MINDY4: variants seen among roughly 807,000 people sequenced by gnomAD.
The protein encoded by MINDY4 is MINDY lysine 48 deubiquitinase 4.
Under a neutral mutation model 87.0 loss-of-function variants are expected in MINDY4, and 68 were observed. That is an observed-to-expected ratio of 0.78 (90% CI 0.64 to 0.96). The LOEUF (loss-of-function observed/expected upper bound fraction) is 0.96. MINDY4 is among the 40% of genes least tolerant of loss of function. The probability of loss-of-function intolerance (pLI) is 0.00; values close to 1 mark genes in which losing one functional copy is unlikely to be tolerated. For synonymous variants in MINDY4, 379 were observed against 363.2 expected, an observed-to-expected ratio of 1.04 and a Z score of -0.50; for missense variants, 919 against 928.2, an observed-to-expected ratio of 0.99 and a Z score of 0.13.
chr7:30,873,143 C>T (rs739978), intron 14 of MINDY4, among the ~76,000 whole-genome samples: 5,419 of 152,278 alleles, frequency 0.036, 297 homozygotes, highest in African/African-American at 0.12. Flanking sequence ...TGTGGTTTGT[C>T]CAGGGCACCC....
chr7:30,875,779 A>C, intron 15 of MINDY4, 123 bp downstream of exon 15: 1 of 1,050,796 alleles, frequency 9.5e-7, no homozygotes, highest in Non-Finnish European at 1.4e-6. Flanking sequence ...GGGTCCAGTT[A>C]GAATCACAGA....
chr7:30,795,988 C>T (rs1320132744), intron 5 of MINDY4, among the ~76,000 whole-genome samples: 1 of 152,212 alleles, frequency 6.6e-6, no homozygotes, highest in African/African-American at 2.4e-5. Flanking sequence ...TTGATTTCAT[C>T]TGCAACCTTA....
At chr7:30,793,547 G>A (rs942424585) in intron 5 of MINDY4, among the ~76,000 whole-genome samples, 2 of 151,688 alleles carry the variant, frequency 1.3e-5, no homozygotes, top group African/African-American at 4.8e-5. Context: ...TCCTAAGTAC[G>A]TGGGACCACA....
chr7:30,834,159 T>G (rs1468215152), intron 6 of MINDY4, among the ~76,000 whole-genome samples: 1 of 152,224 alleles, frequency 6.6e-6, no homozygotes, highest in Non-Finnish European at 1.5e-5. Context: ...CACATTTCCT[T>G]TCTGCACTGC....
chr7:30,870,572 C>G lies in MINDY4; in HGVS notation c.1746-1671C>G, dbSNP rs143830029. ...ACCCCAGCTCATCTTCTCATGTGGACCATAAACCTTCCGTGTTTGGCCATG... is the reference window on the plus strand; with the variant it reads ...ACCCCAGCTCATCTTCTCATGTGGAGCATAAACCTTCCGTGTTTGGCCATG... On this transcript the variant is annotated intron_variant, in intron 13 of 17. Coordinates refer to ENST00000265299, the MANE Select transcript of MINDY4 (RefSeq NM_032222.3). 3.9e-3 allele frequency among the ~76,000 whole-genome samples: 593 copies of G among 152,278 alleles called. 1 individual carries two copies. The highest frequency in any genetic ancestry group is 0.014 in the African/African-American group (571 of 41,536).
intron 13 of MINDY4, among the ~76,000 whole-genome samples, chr7:30,863,470 A>G (rs1232898197): frequency 6.6e-6 from 1 of 152,118 alleles, no homozygotes; most frequent in Non-Finnish European, 1.5e-5. Context: ...GATTGTGTAC[A>G]TGTGCATGTG....
rs80056889 is a variant in MINDY4, at chr7:30,836,005, G to C, written c.1133-653G>C. Among the ~76,000 whole-genome samples the C allele has an allele frequency of 1.6e-3, 248 of 152,264 alleles. 3 individuals carry two copies. The highest frequency in any genetic ancestry group is 3.4e-3 in the Middle Eastern group (1 of 294). On this transcript the variant is annotated intron_variant, in intron 6 of 17. Transcript: ENST00000265299. The stretch of plus-strand genomic sequence containing the variant: ...CAGTGGGATGGTAGAGTTACTAGGA[G>C]TCACTCTCTCTGCCACTTTCCATTT...
intron 4 of MINDY4, among the ~76,000 whole-genome samples, chr7:30,786,956 C>G (rs1787176346): frequency 6.6e-6 from 1 of 152,174 alleles, no homozygotes; most frequent in South Asian, 2.1e-4. Flanking sequence ...GGAGCCTGAG[C>G]CAATCAAAAA....
intron 9 of MINDY4, among the ~76,000 whole-genome samples, chr7:30,849,192 C>T (rs1380420288): frequency 1.3e-5 from 2 of 152,192 alleles, no homozygotes; most frequent in African/African-American, 4.8e-5. Flanking sequence ...TTCTCCTGTC[C>T]TGGAAAAGAG....
chr7:30,777,032 T>G (rs2128164889), intron 1 of MINDY4, among the ~76,000 whole-genome samples: 1 of 150,932 alleles, frequency 6.6e-6, no homozygotes, highest in South Asian at 2.1e-4. Context: ...TTTTTAGAGA[T>G]AGGGTCTCAC....
intron 15 of MINDY4, among the ~76,000 whole-genome samples, chr7:30,881,903 GA>G (rs1240636965): frequency 2.6e-5 from 4 of 152,106 alleles, no homozygotes; most frequent in African/African-American, 9.7e-5. Flanking sequence ...GCAGTACTGG[GA>G]ACCATTAGAT....
chr7:30,816,234 A>C (rs10237373), intron 5 of MINDY4, among the ~76,000 whole-genome samples: 54,052 of 150,612 alleles, frequency 0.36, 12,283 homozygotes, highest in African/African-American at 0.63. Context: ...AGGGAAGGTC[A>C]CATCTTTGTA....
At position 30,791,353 on chromosome 7, in the gene MINDY4, A is replaced by G; in HGVS notation, c.852A>G (p.Lys284=). 1 of 1,614,110 alleles carries G rather than the reference A, an allele frequency of 6.2e-7. No homozygotes were observed. Among genetic ancestry groups the G allele is most frequent in the African/African-American group, 1.3e-5 (1 of 75,030 alleles). Residue 284 remains lysine (K), a synonymous_variant, in exon 5 of 18, where the codon AAA becomes AAG. Transcript: ENST00000265299. Reference sequence around the variant, plus strand: ...GTGAACTGACCGTAGAAAGGCAGAAAACCACTGCCAGCAGCCCTCCCCATC... The same window carrying G: ...GTGAACTGACCGTAGAAAGGCAGAAGACCACTGCCAGCAGCCCTCCCCATC... ...QLSELTVERQ[K]TTASSPPHLP... is the part of the protein sequence containing the mutation.
chr7:30,815,718 C>T (rs1788127981), intron 5 of MINDY4, among the ~76,000 whole-genome samples: 1 of 152,150 alleles, frequency 6.6e-6, no homozygotes, highest in Admixed American at 6.5e-5. Context: ...ATCACATCTA[C>T]CCACCCTTTC....
At chr7:30,882,008 C>T (rs1315574615) in intron 15 of MINDY4, among the ~76,000 whole-genome samples, 173 bp from the exon 16 acceptor site, 1 of 152,116 alleles carries the variant, frequency 6.6e-6, no homozygotes, top group Non-Finnish European at 1.5e-5. Flanking sequence ...GCAGGGATGG[C>T]CCTGGGAAAC....
At chr7:30,814,108 A>G (rs1036758923) in intron 5 of MINDY4, among the ~76,000 whole-genome samples, 2 of 152,372 alleles carry the variant, frequency 1.3e-5, no homozygotes, top group African/African-American at 4.8e-5. Context: ...AGAGTCAGAC[A>G]TTGTGGGCCT....
At chr7:30,802,651 A>G (rs1787690577) in intron 5 of MINDY4, among the ~76,000 whole-genome samples, 1 of 152,200 alleles carries the variant, frequency 6.6e-6, no homozygotes, top group South Asian at 2.1e-4. Flanking sequence ...GTGAAACTTA[A>G]AAGTGGTAAG....
At chr7:30,814,650 G>T (rs1057423164) in intron 5 of MINDY4, among the ~76,000 whole-genome samples, 1 of 152,212 alleles carries the variant, frequency 6.6e-6, no homozygotes, top group Admixed American at 6.5e-5. Context: ...TATTGTAAGG[G>T]CAAAGCTGTA....
At chr7:30,876,442 A>G (rs935339638) in intron 15 of MINDY4, among the ~76,000 whole-genome samples, 1 of 152,190 alleles carries the variant, frequency 6.6e-6, no homozygotes, top group African/African-American at 2.4e-5. Context: ...TTGGAGGCAC[A>G]GTTCAACCCA....
Sources: gnomAD v4.1 joint callset for allele counts (sites outside exome capture counted in the v4.1 genomes callset) on GRCh38, gnomAD v4.1.1 for gene constraint, MANE v1.5 for transcripts, NCBI Gene and HGNC (gene_info 2026-07-23, HGNC 2026-07-21) for gene names.